Variants in IL3RA observed in about 807,000 individuals in gnomAD.
IL3RA encodes interleukin-3 receptor subunit alpha.
IL3RA carries 73 observed loss-of-function variants against 52.3 expected under a neutral mutation model. The ratio of observed to expected loss-of-function variants is 1.40; its 90% CI spans 1.16 to 1.70. IL3RA has a LOEUF of 1.70. IL3RA is among the 40% of genes most tolerant of loss of function. The pLI is 0.00. For synonymous variants in IL3RA, 260 were observed against 194.0 expected, an observed-to-expected ratio of 1.34 and a Z score of -2.83; for missense variants, 664 against 504.4, an observed-to-expected ratio of 1.32 and a Z score of -3.03.
In IL3RA at chrX:1,348,485, A is replaced by G. The variant is rs371714518; in HGVS notation, c.238A>G (p.Asn80Asp). The change falls in exon 4 of 12, where the codon AAC becomes GAC. Residue 80 changes from asparagine (N) to aspartate (D), a missense_variant. Asn to Asp is a conservative substitution (Grantham distance 23, BLOSUM62 1). Coordinates refer to ENST00000331035, the MANE Select transcript of IL3RA (RefSeq NM_002183.4). Reference protein sequence around the residue: ...FGAISLCEVTNYTVRVANPPF... With the variant: ...FGAISLCEVTDYTVRVANPPF... ...AGCAATTTCCTTATGTGAAGTGACCAACTACACCGTCCGAGTGGCCAACCC... is the reference window on the plus strand; with the variant it reads ...AGCAATTTCCTTATGTGAAGTGACCGACTACACCGTCCGAGTGGCCAACCC... The G allele has an allele frequency of 5.0e-6, 8 of 1,613,790 alleles. No individual in the cohort carries two copies. The highest frequency in any genetic ancestry group is 6.8e-6 in the Non-Finnish European group (8 of 1,179,848).
intron 3 of IL3RA, 117 bp from the exon 4 acceptor site, chrX:1,348,314 C>G (rs746096827): frequency 3.5e-4 from 278 of 795,404 alleles, no homozygotes; most frequent in South Asian, 4.3e-4. Flanking sequence ...GATCACGCCA[C>G]TGCACTCCAG....
At position 1,360,850 on chromosome X, in the gene IL3RA, T is replaced by TCTCCCTGTCTCTCTCTCCCTTCCC. The variant is rs1233881666; in HGVS notation, c.759+1967_759+1990dup. Among the ~76,000 whole-genome samples, 789 of 143,892 alleles carry TCTCCCTGTCTCTCTCTCCCTTCCC rather than the reference T, an allele frequency of 5.5e-3. 15 individuals are homozygous for TCTCCCTGTCTCTCTCTCCCTTCCC. Among genetic ancestry groups the TCTCCCTGTCTCTCTCTCCCTTCCC allele is most frequent in the Admixed American group, 7.1e-3 (101 of 14,262 alleles). The allele number at this position is 143,892 out of a possible 152,430, so 94.4% of individuals were successfully genotyped here. ...GCCCCTCTCTTTATCTTTCTAGCTC[T>TCTCCCTGTCTCTCTCTCCCTTCCC]CTCCCTGTCTCTCTCTCCCTTCCCC... On this transcript the variant is annotated intron_variant, in intron 8 of 11. Transcript: ENST00000331035.
At chrX:1,348,594 C>T (rs767954703) in intron 4 of IL3RA, 49 bp downstream of exon 4, 2 of 1,291,142 alleles carry the variant, frequency 1.5e-6, no homozygotes, top group East Asian at 2.3e-5. Flanking sequence ...CTCCCTCCTT[C>T]CCTCTCTCCC....
chrX:1,344,636 G>A lies in IL3RA; in HGVS notation c.65-680G>A, dbSNP rs1178588671. ...AAAAATACAAAAATTAGCCGGGCGT[G>A]GTGGTGGGCTCCTGTAATCCTAGCT... is the stretch of plus-strand genomic sequence containing the variant. On this transcript the variant is annotated intron_variant, in intron 2 of 11. Coordinates refer to ENST00000331035, the MANE Select transcript of IL3RA (RefSeq NM_002183.4). Among the ~76,000 whole-genome samples, 4 of 150,380 alleles carry A rather than the reference G, an allele frequency of 2.7e-5. No homozygotes were observed. In the East Asian group the frequency reaches 7.9e-4, roughly 30 times the overall value.
chrX:1,341,694 A>G, intron 1 of IL3RA, 34 bp from the exon 2 acceptor site: 1 of 1,564,288 alleles, frequency 6.4e-7, no homozygotes, highest in Non-Finnish European at 8.8e-7. Flanking sequence ...TTTCACAGCC[A>G]GTCCCCGCTG....
rs755994290 is a variant in IL3RA, at chrX:1,348,302, G to A, written c.184-129G>A. ...CGGGAGGGAGAGGCTGCAGTGAGCC[G>A]AGATCACGCCACTGCACTCCAGCGT... is the stretch of plus-strand genomic sequence containing the variant. On this transcript the variant is annotated intron_variant, in intron 3 of 11. Transcript: ENST00000331035. 1.5e-4 allele frequency: 109 copies of A among 734,278 alleles called. 1 individual carries two copies. Among genetic ancestry groups the A allele is most frequent in the Middle Eastern group, 7.8e-4 (2 of 2,570 alleles). 45.5% of individuals were successfully genotyped at this position (734,278 alleles called of 1,614,324 possible). A position where few individuals can be genotyped will look rare whatever the true frequency, so the allele number is the denominator to read the frequency against.
At position 1,358,880 on chromosome X, in the gene IL3RA, C is replaced by A; in HGVS notation, c.752C>A (p.Thr251Lys). Residue 251 changes from threonine to lysine, a missense_variant, in exon 8 of 12, where the codon ACA becomes AAA. Thr to Lys is a moderately conservative substitution (Grantham distance 78, BLOSUM62 -1). Transcript: ENST00000331035. ...TTGCAGAGAATGCAGCCTGTAATCACAGAACAGGTGAGTGTTCCCTACCCC... is the reference window on the plus strand; with the variant it reads ...TTGCAGAGAATGCAGCCTGTAATCAAAGAACAGGTGAGTGTTCCCTACCCC... ...QIQKRMQPVI[T>K]EQVRDRTSFQ... 6.2e-7 allele frequency: 1 copy of A among 1,613,178 alleles called. No individual in the cohort carries two copies.
chrX:1,353,243 ACCATGAGT>A (rs2086240370), intron 6 of IL3RA, among the ~76,000 whole-genome samples: 2 of 140,918 alleles, frequency 1.4e-5, no homozygotes, highest in East Asian at 2.3e-4. Flanking sequence ...CATGGGTTCC[ACCATGAGT>A]CATGGGATCC....
intron 2 of IL3RA, among the ~76,000 whole-genome samples, chrX:1,344,204 C>A (rs1364436818): frequency 1.3e-5 from 2 of 152,004 alleles, no homozygotes; most frequent in South Asian, 4.1e-4. Flanking sequence ...GAGGCTGAGG[C>A]AGGCAGATCA....
intron 8 of IL3RA, among the ~76,000 whole-genome samples, chrX:1,364,077 A>G (rs1490442248): frequency 6.6e-6 from 1 of 151,404 alleles, no homozygotes; most frequent in Non-Finnish European, 1.5e-5. Flanking sequence ...AGTCCCAGCT[A>G]CTCGGGAGGC....
Position 1,365,183 on chromosome X carries a change from A to C in IL3RA, c.805A>C (p.Thr269Pro). Residue 269 changes from threonine (T) to proline (P), a missense_variant, in exon 9 of 12, where the codon ACA becomes CCA. By Grantham distance (38) the Thr-to-Pro change is conservative. Coordinates refer to ENST00000331035, the MANE Select transcript of IL3RA (RefSeq NM_002183.4). ...SFQLLNPGTY[T>P]VQIRARERVY... ...CCAGCTACTCAATCCTGGAACGTACACAGTACAAATAAGAGCCCGGGAAAG... is the reference window on the plus strand; with the variant it reads ...CCAGCTACTCAATCCTGGAACGTACCCAGTACAAATAAGAGCCCGGGAAAG... 1.9e-6 allele frequency: 3 copies of C among 1,611,250 alleles called. No homozygotes were observed. Among genetic ancestry groups the C allele is most frequent in the South Asian group, 1.1e-5 (1 of 91,056 alleles).
chrX:1,382,381 G>A lies in IL3RA; in HGVS notation c.1063-10G>A, dbSNP rs746830923. 15 of 1,613,278 alleles carry A rather than the reference G, an allele frequency of 9.3e-6. No individual in the cohort carries two copies. Among genetic ancestry groups the A allele is most frequent in the East Asian group, 6.7e-5 (3 of 44,874 alleles). ...TGGCCGACTCACCCTGCCTCCTCTCGTCTCTGCAGGTGGTCTGGGAGGCGG... is the reference window on the plus strand; with the variant it reads ...TGGCCGACTCACCCTGCCTCCTCTCATCTCTGCAGGTGGTCTGGGAGGCGG... On this transcript the variant is annotated splice_polypyrimidine_tract_variant and intron_variant, in intron 11 of 11. Coordinates refer to ENST00000331035, the MANE Select transcript of IL3RA (RefSeq NM_002183.4).
intron 9 of IL3RA, among the ~76,000 whole-genome samples, chrX:1,367,530 G>A (rs1361050625): frequency 1.1e-5 from 1 of 94,144 alleles, no homozygotes; most frequent in South Asian, 4.0e-4. Flanking sequence ...CGGGGTGCGC[G>A]GGGTGCGCGG....
intron 9 of IL3RA, among the ~76,000 whole-genome samples, chrX:1,368,593 G>A (rs1360018593): frequency 6.6e-6 from 1 of 152,158 alleles, no homozygotes; most frequent in Non-Finnish European, 1.5e-5. Flanking sequence ...GGTGTTTAAA[G>A]AGGCGATTAA....
At chrX:1,363,458 G>A (rs1448425148) in intron 8 of IL3RA, among the ~76,000 whole-genome samples, 2 of 151,800 alleles carry the variant, frequency 1.3e-5, no homozygotes, top group Non-Finnish European at 2.9e-5. Flanking sequence ...CCGCCACCGG[G>A]CCCGGCTAAT....
intron 8 of IL3RA, among the ~76,000 whole-genome samples, chrX:1,360,031 ATC>A (rs55974476): frequency 0.67 from 69,630 of 104,146 alleles, 22,109 homozygotes; most frequent in Middle Eastern, 0.8. Context: ...CCTTCTCCCC[ATC>A]TCTCTCTCTC....
chrX:1,345,527 T>A, intron 3 of IL3RA, 93 bp downstream of exon 3: 1 of 878,986 alleles, frequency 1.1e-6, no homozygotes, highest in Non-Finnish European at 1.6e-6. Flanking sequence ...TCTTGCTCTG[T>A]CGCCCAGGCT....
intron 2 of IL3RA, among the ~76,000 whole-genome samples, chrX:1,344,119 G>C (rs374046262): frequency 1.1e-3 from 165 of 152,104 alleles, no homozygotes; most frequent in African/African-American, 3.7e-3. Context: ...CCAGCTCACA[G>C]AAGTCTCCTG....
intron 5 of IL3RA, 43 bp from the exon 6 acceptor site, chrX:1,352,279 C>A (rs1481256258): frequency 8.7e-6 from 14 of 1,612,982 alleles, no homozygotes; most frequent in Non-Finnish European, 1.2e-5. Context: ...GGTGCGGGTG[C>A]CATCGGCGTG....
Sources: allele counts gnomAD v4.1 joint callset (sites outside exome capture counted in the v4.1 genomes callset), GRCh38; gene constraint gnomAD v4.1.1; transcripts MANE v1.5; gene names NCBI Gene and HGNC (gene_info 2026-07-23, HGNC 2026-07-21).